Variants in PPFIBP2 observed in about 807,000 individuals in gnomAD.
The protein encoded by PPFIBP2 is PPFIB scaffold protein 2.
Under a neutral mutation model 118.3 loss-of-function variants are expected in PPFIBP2, and 118 were observed. The ratio of observed to expected loss-of-function variants is 1.00; its 90% CI spans 0.86 to 1.16. The LOEUF is 1.16. Ranked by LOEUF, PPFIBP2 falls within the 50% of genes most tolerant of loss-of-function variation. The pLI, the probability that PPFIBP2 is intolerant of heterozygous loss-of-function variation, is 0.00. For missense variants in PPFIBP2, 1,195 were observed against 1,073.1 expected, an observed-to-expected ratio of 1.11 and a Z score of -1.59; for synonymous variants, 414 against 397.4, an observed-to-expected ratio of 1.04 and a Z score of -0.50.
intron 3 of PPFIBP2, among the ~76,000 whole-genome samples, chr11:7,581,465 G>T (rs1857248044): frequency 6.6e-6 from 1 of 152,122 alleles, no homozygotes. Flanking sequence ...GTTGGCTCAG[G>T]TTCTGCAGTA....
chr11:7,657,938 T>C (rs12805830), downstream of PPFIBP2, among the ~76,000 whole-genome samples: 36,096 of 152,206 alleles, frequency 0.24, 4,452 homozygotes, highest in African/African-American at 0.3. Context: ...CAAGGAGATC[T>C]GTGCTCCTAA....
chr11:7,621,931 A>C (rs4495884), intron 7 of PPFIBP2, among the ~76,000 whole-genome samples: 61,699 of 152,158 alleles, frequency 0.41, 14,546 homozygotes, highest in Non-Finnish European at 0.52. Flanking sequence ...TTTTCAAACC[A>C]TAAAAAATTA....
chr11:7,514,813 A>G (rs1849089044), intron 1 of PPFIBP2, among the ~76,000 whole-genome samples: 1 of 152,198 alleles, frequency 6.6e-6, no homozygotes, highest in African/African-American at 2.4e-5. Flanking sequence ...TAGGATTAAG[A>G]CAGGCATTCT....
At chr11:7,595,626 T>C (rs1286966024) in intron 4 of PPFIBP2, among the ~76,000 whole-genome samples, 1 of 152,162 alleles carries the variant, frequency 6.6e-6, no homozygotes, top group African/African-American at 2.4e-5. Flanking sequence ...TCCAGGAGTG[T>C]CTGTTAAGTG....
At chr11:7,627,308 A>G (rs1850152517) in intron 8 of PPFIBP2, among the ~76,000 whole-genome samples, 1 of 152,230 alleles carries the variant, frequency 6.6e-6, no homozygotes, top group East Asian at 1.9e-4. Flanking sequence ...GAGCCTAAAT[A>G]ATGAGCAAGC....
chr11:7,643,884 CATTTT>C, intron 17 of PPFIBP2, among the ~76,000 whole-genome samples: 1 of 152,122 alleles, frequency 6.6e-6, no homozygotes. Context: ...TGGATGAACA[CATTTT>C]ATTTTCTTTC....
At chr11:7,516,349 T>A (rs756467133) in intron 1 of PPFIBP2, among the ~76,000 whole-genome samples, 1 of 151,950 alleles carries the variant, frequency 6.6e-6, no homozygotes, top group Non-Finnish European at 1.5e-5. Flanking sequence ...AGAGATAGAA[T>A]CTGTAGGACA....
chr11:7,648,292 T>TTTTTC (rs529888593), intron 17 of PPFIBP2, 95 bp from the exon 18 acceptor site: 19 of 1,410,988 alleles, frequency 1.3e-5, no homozygotes, highest in Middle Eastern at 1.9e-4. Context: ...TTTGTTTTGT[T>TTTTTC]TTTTCTTTTC....
intron 18 of PPFIBP2, 116 bp downstream of exon 18, chr11:7,648,653 G>T: frequency 6.7e-7 from 1 of 1,497,786 alleles, no homozygotes; most frequent in Non-Finnish European, 9.2e-7. Flanking sequence ...GAGGCTGAGA[G>T]TTCCTCTGTA....
chr11:7,639,738 C>A lies in PPFIBP2; in HGVS notation c.1243C>A (p.Pro415Thr), dbSNP rs372207377. Residue 415 changes from proline to threonine, a missense_variant, in exon 15 of 24, where the codon CCT becomes ACT. Pro to Thr is a conservative substitution (Grantham distance 38). Transcript: ENST00000299492. ...PFPVLEPKDS[P>T]FLAEHKYPTL... is the part of the protein sequence containing the mutation. Reference sequence around the variant, plus strand: ...TTCTCTCACCTTCCAATAGGACAGCCCTTTCTTGGCGGAGCACAAATATCC... The same window carrying A: ...TTCTCTCACCTTCCAATAGGACAGCACTTTCTTGGCGGAGCACAAATATCC... 1.2e-6 allele frequency: 2 copies of A among 1,614,086 alleles called. No homozygotes were observed. Among genetic ancestry groups the A allele is most frequent in the Non-Finnish European group, 1.7e-6 (2 of 1,179,984 alleles).
chr11:7,619,477 G>A (rs1490231690), intron 6 of PPFIBP2, among the ~76,000 whole-genome samples: 1 of 152,202 alleles, frequency 6.6e-6, no homozygotes, highest in Non-Finnish European at 1.5e-5. Context: ...TGAAGTTTAT[G>A]AGCTTTGAGA....
chr11:7,568,961 G>C (rs1239122239), intron 3 of PPFIBP2: 2 of 152,198 alleles, frequency 1.3e-5, no homozygotes, highest in Non-Finnish European at 2.9e-5. Context: ...CAGAGGGGAG[G>C]GATTACATAG....
At chr11:7,548,827 T>C (rs1460446323) in intron 1 of PPFIBP2, among the ~76,000 whole-genome samples, 1 of 152,098 alleles carries the variant, frequency 6.6e-6, no homozygotes, top group East Asian at 1.9e-4. Context: ...GATGGTCAGT[T>C]ATGGTGCTCC....
the PPFIBP2 span, among the ~76,000 whole-genome samples, chr11:7,662,207 T>G: frequency 6.6e-6 from 1 of 152,040 alleles, no homozygotes; most frequent in African/African-American, 2.4e-5. Context: ...TAGCTGGTTA[T>G]TTTGCTCGTT....
At chr11:7,613,100 T>G (rs1005728601) in intron 6 of PPFIBP2, among the ~76,000 whole-genome samples, 18 of 152,142 alleles carry the variant, frequency 1.2e-4, no homozygotes, top group Non-Finnish European at 2.2e-4. Context: ...CTTTTTTTTT[T>G]CCCCCTCAGG....
chr11:7,577,320 CGTGT>C (rs148907232), intron 3 of PPFIBP2: 137 of 218,936 alleles, frequency 6.3e-4, no homozygotes, highest in Middle Eastern at 1.6e-3. Flanking sequence ...CATGTATGTG[CGTGT>C]GTGTGTGTGT....
At chr11:7,526,503 T>A (rs1269611364) in intron 1 of PPFIBP2, among the ~76,000 whole-genome samples, 1 of 152,206 alleles carries the variant, frequency 6.6e-6, no homozygotes, top group African/African-American at 2.4e-5. Flanking sequence ...AATTGGTGGC[T>A]TCTGAGCAGA....
At chr11:7,581,928 C>T (rs1206836398) in intron 3 of PPFIBP2, among the ~76,000 whole-genome samples, 3 of 152,072 alleles carry the variant, frequency 2.0e-5, no homozygotes, top group Non-Finnish European at 4.4e-5. Context: ...CCTCCTTCTC[C>T]TAGCTTCAAG....
chr11:7,626,929 G>A (rs1170039173), intron 8 of PPFIBP2, among the ~76,000 whole-genome samples: 4 of 152,228 alleles, frequency 2.6e-5, no homozygotes, highest in South Asian at 2.1e-4. Flanking sequence ...CAATGTGCTC[G>A]TCCCTCTCCG....
Sources: gnomAD v4.1 joint callset for allele counts (sites outside exome capture counted in the v4.1 genomes callset) on GRCh38, gnomAD v4.1.1 for gene constraint, MANE v1.5 for transcripts, NCBI Gene and HGNC (gene_info 2026-07-23, HGNC 2026-07-21) for gene names.